RSRC1: variants seen among roughly 807,000 people sequenced by gnomAD.
RSRC1 encodes the protein arginine and serine rich coiled-coil 1.
In RSRC1, 39 loss-of-function variants were observed where a neutral mutation model predicts 49.1. The observed-to-expected ratio is 0.79, with a 90% CI of 0.61 to 1.04. The LOEUF is 1.04. RSRC1 is among the 50% of genes least tolerant of loss of function. RSRC1 has a pLI of 0.00. For synonymous variants in RSRC1, 143 were observed against 130.8 expected (o/e 1.09, Z -0.63); for missense variants, 388 against 402.4 (o/e 0.96, Z 0.31).
intron 6 of RSRC1, among the ~76,000 whole-genome samples, chr3:158,379,854 C>T (rs1368828457): frequency 6.8e-6 from 1 of 146,816 alleles, no homozygotes; most frequent in East Asian, 2.0e-4. Context: ...TCCCTCTTGT[C>T]CCATTTGCTT....
At chr3:158,514,074 G>T (rs1740360318) in intron 7 of RSRC1, among the ~76,000 whole-genome samples, 1 of 152,090 alleles carries the variant, frequency 6.6e-6, no homozygotes, top group African/African-American at 2.4e-5. Flanking sequence ...CCAGCTCCTG[G>T]ATTCATTAAT....
chr3:158,368,042 GA>G (rs5853824), intron 6 of RSRC1, among the ~76,000 whole-genome samples: 79,211 of 151,406 alleles, frequency 0.52, 21,047 homozygotes, highest in African/African-American at 0.61. Context: ...CGTTTAGTAG[GA>G]AAAAAAAAGG....
chr3:158,292,627 T>G lies in RSRC1; in HGVS notation c.495-5412T>G, dbSNP rs201048193. On this transcript the variant is annotated intron_variant, in intron 4 of 9. Transcript: ENST00000611884. Reference sequence around the variant, plus strand: ...AGGGACAACCCAAGAGACAGACCACTAAAGAGGACAGGTTTTATACCATTT... The same window carrying G: ...AGGGACAACCCAAGAGACAGACCACGAAAGAGGACAGGTTTTATACCATTT... 5.9e-5 allele frequency among the ~76,000 whole-genome samples: 9 copies of G among 152,312 alleles called. No individual in the cohort carries two copies. The East Asian group carries it at 1.5e-3, about 26-fold the overall frequency.
intron 5 of RSRC1, among the ~76,000 whole-genome samples, chr3:158,311,399 G>T (rs1363592844): frequency 6.6e-6 from 1 of 151,732 alleles, no homozygotes; most frequent in Admixed American, 6.6e-5. Context: ...ATGAATAGAT[G>T]TATAATCTAA....
intron 6 of RSRC1, among the ~76,000 whole-genome samples, chr3:158,389,936 C>G (rs1733175613): frequency 6.6e-6 from 1 of 152,128 alleles, no homozygotes; most frequent in South Asian, 2.1e-4. Context: ...TAACTGCACC[C>G]ATTGAGAACT....
In RSRC1 at chr3:158,322,894, A is replaced by G. The variant is rs554436939; in HGVS notation, c.531+24819A>G. On this transcript the variant is annotated intron_variant, in intron 5 of 9. Coordinates refer to ENST00000611884, the MANE Select transcript of RSRC1 (RefSeq NM_001271838.2). ...TTCTTCTGCCATCTCAGATCTGTTA[A>G]TGAGCTCATCTAGTGAGTTTTGTTT... Among the ~76,000 whole-genome samples the G allele has an allele frequency of 4.6e-5, 7 of 152,198 alleles. No individual in the cohort carries two copies. The South Asian group carries it at 1.2e-3, about 27-fold the overall frequency.
chr3:158,294,330 T>G (rs1727110361), intron 4 of RSRC1, among the ~76,000 whole-genome samples: 1 of 152,156 alleles, frequency 6.6e-6, no homozygotes, highest in South Asian at 2.1e-4. Context: ...TTTCAAATGA[T>G]TATGTTTGTA....
chr3:158,153,626 G>A (rs1026208074), intron 3 of RSRC1, among the ~76,000 whole-genome samples: 2 of 152,128 alleles, frequency 1.3e-5, no homozygotes, highest in East Asian at 1.9e-4. Context: ...GTCATGCCCC[G>A]TTGGTCTTTG....
chr3:158,480,685 C>T (rs929189080), intron 7 of RSRC1, among the ~76,000 whole-genome samples: 1 of 151,926 alleles, frequency 6.6e-6, no homozygotes, highest in Non-Finnish European at 1.5e-5. Flanking sequence ...GTGACTATCA[C>T]ACATGAAGAA....
chr3:158,406,082 C>A (rs1734149111), intron 6 of RSRC1, among the ~76,000 whole-genome samples: 1 of 151,840 alleles, frequency 6.6e-6, no homozygotes, highest in Non-Finnish European at 1.5e-5. Flanking sequence ...TATCCCTAAC[C>A]AAACAGAAGA....
At chr3:158,358,580 T>C (rs973984504) in intron 6 of RSRC1, among the ~76,000 whole-genome samples, 1 of 152,208 alleles carries the variant, frequency 6.6e-6, no homozygotes, top group Non-Finnish European at 1.5e-5. Context: ...GATGTGTGTT[T>C]TTTTCTAGTT....
At chr3:158,167,269 C>G (rs1366432078) in intron 3 of RSRC1, among the ~76,000 whole-genome samples, 1 of 152,140 alleles carries the variant, frequency 6.6e-6, no homozygotes. Context: ...TCACTGCAAC[C>G]TCTGCCTCTC....
intron 1 of RSRC1, among the ~76,000 whole-genome samples, chr3:158,113,771 CAT>C (rs1324459778): frequency 6.6e-6 from 1 of 152,124 alleles, no homozygotes; most frequent in African/African-American, 2.4e-5. Context: ...AGTTTTTTCT[CAT>C]ATGTTTGTTG....
rs1054257662 is a variant in RSRC1, at chr3:158,373,991, T to C, written c.583+19083T>C. On this transcript the variant is annotated intron_variant, in intron 6 of 9. Transcript: ENST00000611884. ...ACTTTGCTTTATTGTTGGTAATTGT[T>C]CTGAGAGTAATAATGGGCGATATGT... 2.7e-4 allele frequency among the ~76,000 whole-genome samples: 41 copies of C among 152,198 alleles called. 1 individual carries two copies. Among genetic ancestry groups the C allele is most frequent in the African/African-American group, 9.4e-4 (39 of 41,574 alleles).
chr3:158,111,091 C>T (rs1472725688), intron 1 of RSRC1, among the ~76,000 whole-genome samples: 1 of 152,126 alleles, frequency 6.6e-6, no homozygotes, highest in Non-Finnish European at 1.5e-5. Flanking sequence ...AGAAAGCATT[C>T]GAGTTGTCAT....
chr3:158,161,113 C>T (rs1718190225), intron 3 of RSRC1, among the ~76,000 whole-genome samples: 1 of 152,120 alleles, frequency 6.6e-6, no homozygotes, highest in South Asian at 2.1e-4. Flanking sequence ...TTATATTAGT[C>T]AGCTATTGAC....
intron 5 of RSRC1, among the ~76,000 whole-genome samples, chr3:158,335,884 C>A (rs1374207552): frequency 2.0e-5 from 3 of 151,982 alleles, no homozygotes; most frequent in Non-Finnish European, 4.4e-5. Context: ...TCTTTTGATA[C>A]CTTTGGAAGG....
At chr3:158,521,217 A>C (rs1217846437) in intron 7 of RSRC1, among the ~76,000 whole-genome samples, 2 of 152,140 alleles carry the variant, frequency 1.3e-5, no homozygotes, top group East Asian at 3.8e-4. Flanking sequence ...TTATGTTGTT[A>C]TGGTTAGAGA....
chr3:158,186,812 C>T (rs1174982777), intron 3 of RSRC1, among the ~76,000 whole-genome samples: 1 of 151,802 alleles, frequency 6.6e-6, no homozygotes, highest in Admixed American at 6.6e-5. Context: ...CCCAATTCTA[C>T]CTTTAATATC....
Sources: allele counts gnomAD v4.1 joint callset (sites outside exome capture counted in the v4.1 genomes callset), GRCh38; gene constraint gnomAD v4.1.1; transcripts MANE v1.5; gene names NCBI Gene and HGNC (gene_info 2026-07-23, HGNC 2026-07-21).